LCT: variants seen among roughly 807,000 people sequenced by gnomAD.
LCT encodes the protein lactase, also known as lactase/phlorizin hydrolase.
In LCT, 90 loss-of-function variants were observed where a neutral mutation model predicts 173.0. That is an observed-to-expected ratio of 0.52 (90% CI 0.44 to 0.62). The LOEUF (loss-of-function observed/expected upper bound fraction) is 0.62. Among genes scored for constraint, LCT ranks in the 20% least tolerant of loss-of-function variants. The pLI, the probability that LCT is intolerant of heterozygous loss-of-function variation, is 0.00. For synonymous variants in LCT, 853 were observed against 957.6 expected (o/e 0.89, Z 2.02); for missense variants, 1,864 against 2,431.4 (o/e 0.77, Z 4.91).
In LCT at chr2:135,788,479, T is replaced by TG. The variant is rs1241153924; in HGVS notation, c.5628dup (p.Thr1877HisfsTer34). The TG allele has an allele frequency of 2.5e-6, 4 of 1,613,358 alleles. No individual in the cohort carries two copies. The highest frequency in any genetic ancestry group is 3.4e-6 in the Non-Finnish European group (4 of 1,179,986). On this transcript the variant is annotated frameshift_variant, in exon 17 of 17. Coordinates refer to ENST00000264162, the MANE Select transcript of LCT (RefSeq NM_002299.4). LOFTEE classifies it low-confidence loss of function (END_TRUNC). ...TACAAAGCTGTCTGTGCTTCTGTGG[T>TG]GCCGAGCATTAGCCCCAGGAACTGC...
At position 135,791,992 on chromosome 2, in the gene LCT, C is replaced by A. The variant is rs1440441783; in HGVS notation, c.5112-1111G>T. On this transcript the variant is annotated intron_variant, in intron 14 of 16. Coordinates refer to ENST00000264162, the MANE Select transcript of LCT (RefSeq NM_002299.4). The stretch of plus-strand genomic sequence containing the variant: ...CTACTGCTGGAACATACCAGAAAAA[C>A]CAAAAGAATTCACAGACCTTTGAAA... Among the ~76,000 whole-genome samples the A allele has an allele frequency of 2.6e-5, 4 of 152,164 alleles. No homozygotes were observed. The East Asian group carries it at 7.7e-4, about 29-fold the overall frequency.
At chr2:135,800,500 T>C in intron 12 of LCT, 107 bp downstream of exon 12, 2 of 964,060 alleles carry the variant, frequency 2.1e-6, no homozygotes, top group East Asian at 2.5e-5. Flanking sequence ...GCTGGGATTA[T>C]AGACATGAGC....
At chr2:135,829,364 T>A (rs1468422861) in intron 3 of LCT, among the ~76,000 whole-genome samples, 1 of 152,108 alleles carries the variant, frequency 6.6e-6, no homozygotes, top group African/African-American at 2.4e-5. Context: ...AGGATCTATG[T>A]AAATATTCAC....
intron 4 of LCT, 22 bp downstream of exon 4, chr2:135,823,879 T>C (rs779138396): frequency 1.3e-6 from 2 of 1,515,684 alleles, no homozygotes; most frequent in Non-Finnish European, 1.8e-6. Flanking sequence ...ACTCAAAACC[T>C]CTTCAGCAAT....
chr2:135,817,992 G>A lies in LCT; in HGVS notation c.1056C>T (p.Asp352=). 1 of 1,613,552 alleles carries A rather than the reference G, an allele frequency of 6.2e-7. No homozygotes were observed. Among genetic ancestry groups the A allele is most frequent in the Non-Finnish European group, 8.5e-7 (1 of 1,179,958 alleles). The change falls in exon 6 of 17, where the codon GAC becomes GAT. Residue 352 remains aspartate, a synonymous_variant. Coordinates refer to ENST00000264162, the MANE Select transcript of LCT (RefSeq NM_002299.4). Reference sequence around the variant, plus strand: ...TCTGATAGGCAGAGGCAGGAGAGGAGTCCGTGGTCTCGTGGTCCTGCTGCT... The same window carrying A: ...TCTGATAGGCAGAGGCAGGAGAGGAATCCGTGGTCTCGTGGTCCTGCTGCT... ...PDQQQDHETT[D]SSPASAYQRI...
At chr2:135,810,360 T>C (rs2077724851) in intron 7 of LCT, 1 of 171,798 alleles carries the variant, frequency 5.8e-6, no homozygotes, top group African/African-American at 2.4e-5. Context: ...TTAAAAAGTG[T>C]TCCTTTTGAC....
intron 5 of LCT, 106 bp from the exon 6 acceptor site, chr2:135,818,167 A>ACGCCTGTAATCCCAG: frequency 7.3e-7 from 1 of 1,373,264 alleles, no homozygotes; most frequent in Non-Finnish European, 1.0e-6. Context: ...GATTCCAGAA[A>ACGCCTGTAATCCCAG]CACTGAGTCA....
intron 12 of LCT, among the ~76,000 whole-genome samples, chr2:135,798,673 A>G (rs2077601528): frequency 6.6e-6 from 1 of 152,200 alleles, no homozygotes; most frequent in South Asian, 2.1e-4. Context: ...ATTTTCTCTA[A>G]TGAGGCCTAG....
Position 135,790,415 on chromosome 2 carries a change from G to A in LCT, c.5335+243C>T, listed in dbSNP as rs1281504156. Among the ~76,000 whole-genome samples the A allele has an allele frequency of 2.0e-5, 3 of 152,184 alleles. No individual in the cohort carries two copies. The highest frequency in any genetic ancestry group is 1.3e-4 in the Admixed American group (2 of 15,282). ...CATCAGGGAGGATCAAGGGGAGCAA[G>A]TGACTCAGGCCAGGAACTAGGGTTT... is the stretch of plus-strand genomic sequence containing the variant. On this transcript the variant is annotated intron_variant, in intron 15 of 16. Coordinates refer to ENST00000264162, the MANE Select transcript of LCT (RefSeq NM_002299.4). This position sits in a 1 kb window ranked among gnomAD's most constrained non-coding sequence, Gnocchi z 4.1.
Position 135,794,150 on chromosome 2 carries a change from T to TA in LCT, c.5111+490dup, listed in dbSNP as rs1553651290. Among the ~76,000 whole-genome samples, 1,011 of 151,090 alleles carry TA rather than the reference T, an allele frequency of 6.7e-3. 4 individuals carry two copies. The highest frequency in any genetic ancestry group is 0.037 in the Middle Eastern group (11 of 294). ...GAGACTCTGTCTCAAAAAAAATAAA[T>TA]AAAATAAAAACTGTTACTTAAAAGG... On this transcript the variant is annotated intron_variant, in intron 14 of 16. Coordinates refer to ENST00000264162, the MANE Select transcript of LCT (RefSeq NM_002299.4).
In LCT at chr2:135,812,404, C is replaced by T. The variant is rs1558739417; in HGVS notation, c.2260G>A (p.Gly754Arg). 6 of 1,614,114 alleles carry T rather than the reference C, an allele frequency of 3.7e-6. No individual in the cohort carries two copies. Among genetic ancestry groups the T allele is most frequent in the Non-Finnish European group, 5.1e-6 (6 of 1,179,950 alleles). Residue 754 changes from glycine (G) to arginine (R), a missense_variant, in exon 7 of 17, where the codon GGG (glycine) becomes AGG (arginine). By Grantham distance (125) the Gly-to-Arg change is moderately radical. Around this residue, in one of 4 missense-constraint regions of LCT, gnomAD observed 755 missense variants for 926.3 expected, o/e 0.82. Transcript: ENST00000264162. Reference sequence around the variant, plus strand: ...CTTTCCCCTATGGGCATGCCATTCCCGGCAAGGTATATTGGAACTTTTCCT... The same window carrying T: ...CTTTCCCCTATGGGCATGCCATTCCTGGCAAGGTATATTGGAACTTTTCCT... Reference protein sequence around the residue: ...TRGKVPIYLAGNGMPIGESEN... With the variant: ...TRGKVPIYLARNGMPIGESEN...
At position 135,804,758 on chromosome 2, in the gene LCT, C is replaced by T. The variant is rs757718379; in HGVS notation, c.4464+9G>A. 2 of 1,612,370 alleles carry T rather than the reference C, an allele frequency of 1.2e-6. No homozygotes were observed. Among genetic ancestry groups the T allele is most frequent in the African/African-American group, 1.3e-5 (1 of 74,992 alleles). ...GACTTTCCCAAGGCCTTGCCAGGAC[C>T]CACCATACCTGGGGCTGGATGCTGG... On this transcript the variant is annotated intron_variant, in intron 10 of 16. Coordinates refer to ENST00000264162, the MANE Select transcript of LCT (RefSeq NM_002299.4).
chr2:135,813,711 C>T (rs568649228), intron 6 of LCT, among the ~76,000 whole-genome samples: 61 of 152,364 alleles, frequency 4.0e-4, no homozygotes, highest in African/African-American at 1.4e-3. Context: ...GCTATTCTGC[C>T]TCTGTCCTTA....
chr2:135,832,820 C>G (rs1044578825), intron 2 of LCT, among the ~76,000 whole-genome samples: 5 of 151,990 alleles, frequency 3.3e-5, no homozygotes, highest in Non-Finnish European at 7.4e-5. Flanking sequence ...TACCCTAGTA[C>G]CTGTTTTGCC....
Position 135,809,330 on chromosome 2 carries a change from C to A in LCT, c.3017G>T (p.Gly1006Val), listed in dbSNP as rs2077711918. 1.2e-6 allele frequency: 2 copies of A among 1,614,230 alleles called. No individual in the cohort carries two copies. Among genetic ancestry groups the A allele is most frequent in the Non-Finnish European group, 1.7e-6 (2 of 1,180,042 alleles). Residue 1006 changes from glycine (G) to valine (V), a missense_variant, in exon 8 of 17, where the codon GGC becomes GTC. Gly to Val is a moderately radical substitution (Grantham distance 109). Coordinates refer to ENST00000264162, the MANE Select transcript of LCT (RefSeq NM_002299.4). The surrounding 1 kb of genome is among the most constrained non-coding windows in gnomAD (Gnocchi z 5.5). ...GVDYYNRLIN[G>V]LVASNIFPMV... ...GGGAAAGATGTTGCTTGCCACCAAG[C>A]CATTGATCAGCCTGTTGTAATAATC...
At position 135,812,948 on chromosome 2, in the gene LCT, G is replaced by C. The variant is rs751714607; in HGVS notation, c.1716C>G (p.His572Gln). ...TTCTGGCATGAGCCTTGAGGACCAA[G>C]TGAGCCACCTTGTGAAAAAGTAAGA... ...DPGVASFKVA[H>Q]LVLKAHARTW... Residue 572 changes from histidine (H) to glutamine (Q), a missense_variant, in exon 7 of 17, where the codon CAC (histidine) becomes CAG (glutamine). Around this residue, in one of 4 missense-constraint regions of LCT, gnomAD observed 183 missense variants for 293.1 expected, o/e 0.62. Transcript: ENST00000264162. 6.2e-7 allele frequency: 1 copy of C among 1,614,122 alleles called. No individual in the cohort carries two copies. The highest frequency in any genetic ancestry group is 1.3e-5 in the African/African-American group (1 of 75,046).
At chr2:135,805,563 T>C (rs1249805728) in intron 9 of LCT, among the ~76,000 whole-genome samples, 1 of 152,150 alleles carries the variant, frequency 6.6e-6, no homozygotes, top group Admixed American at 6.5e-5. Flanking sequence ...AATACAGTAG[T>C]GGTGTGATGT....
intron 9 of LCT, among the ~76,000 whole-genome samples, chr2:135,805,360 C>T (rs190939677): frequency 7.6e-4 from 116 of 152,258 alleles, no homozygotes; most frequent in African/African-American, 1.1e-3. Context: ...CTGGCCCCTG[C>T]TCAGTCTCGG....
chr2:135,812,795 G>C lies in LCT; in HGVS notation c.1869C>G (p.Phe623Leu). 6.2e-7 allele frequency: 1 copy of C among 1,614,192 alleles called. No individual in the cohort carries two copies. The highest frequency in any genetic ancestry group is 8.5e-7 in the Non-Finnish European group (1 of 1,180,042). The change falls in exon 7 of 17, where the codon TTC becomes TTG. Residue 623 changes from phenylalanine (F) to leucine (L), a missense_variant. Phe to Leu is a conservative substitution (Grantham distance 22, BLOSUM62 0). This residue lies in a region of LCT where 755 missense variants were observed against 926.3 expected (regional missense o/e 0.82). Transcript: ENST00000264162. Reference protein sequence around the residue: ...RPEDLRASERFLHFMLGWFAH... With the variant: ...RPEDLRASERLLHFMLGWFAH... ...CAAACCAGCCCAGCATGAAGTGCAA[G>C]AAGCGCTCAGAGGCTCTCAGGTCCT... is the stretch of plus-strand genomic sequence containing the variant.
Sources: allele counts gnomAD v4.1 joint callset (sites outside exome capture counted in the v4.1 genomes callset), GRCh38; gene constraint gnomAD v4.1.1; regional missense constraint gnomAD v4.1.1; non-coding constraint Gnocchi (gnomAD v3.1); transcripts MANE v1.5; gene names NCBI Gene and HGNC (gene_info 2026-07-23, HGNC 2026-07-21).